The following TNS3 variants were observed in gnomAD, a reference collection of about 807,000 sequenced individuals.
The protein encoded by TNS3 is tensin 3, also known as tensin-3.
In TNS3, 45 loss-of-function variants were observed where a neutral mutation model predicts 140.9. The ratio of observed to expected loss-of-function variants is 0.32; its 90% CI spans 0.25 to 0.41. TNS3 has a LOEUF of 0.41. TNS3 is among the 10% of genes least tolerant of loss of function. TNS3 has a pLI of 1.00. For synonymous variants in TNS3, 815 were observed against 788.4 expected (o/e 1.03, Z -0.56); for missense variants, 1,716 against 1,906.7 (o/e 0.90, Z 1.86).
At chr7:47,521,829 G>A (rs575970711) in intron 2 of TNS3, among the ~76,000 whole-genome samples, 28 of 152,082 alleles carry the variant, frequency 1.8e-4, no homozygotes, top group South Asian at 4.1e-4. Context: ...GGTTCTTCCC[G>A]CTGGATGGTT....
At chr7:47,352,102 A>C (rs1789710320) in intron 17 of TNS3, among the ~76,000 whole-genome samples, 2 of 116,828 alleles carry the variant, frequency 1.7e-5, no homozygotes, top group African/African-American at 6.4e-5. Flanking sequence ...ACACCTGCAT[A>C]CTTCACACTC....
chr7:47,510,326 A>G (rs1419682981), intron 2 of TNS3, among the ~76,000 whole-genome samples: 1 of 152,242 alleles, frequency 6.6e-6, no homozygotes, highest in Non-Finnish European at 1.5e-5. Flanking sequence ...CAGGCCCAGA[A>G]GACAAAACGT....
At chr7:47,530,838 A>AAT (rs1554350245) in intron 1 of TNS3, among the ~76,000 whole-genome samples, 1,714 of 54,502 alleles carry the variant, frequency 0.031, 157 homozygotes, top group African/African-American at 0.12. Context: ...AAAAAAAAAA[A>AAT]ATATATATAT....
At position 47,368,616 on chromosome 7, in the gene TNS3, C is replaced by A. The variant is rs754669217; in HGVS notation, c.2030G>T (p.Gly677Val). The A allele has an allele frequency of 3.8e-6, 6 of 1,593,312 alleles. No homozygotes were observed. Among genetic ancestry groups the A allele is most frequent in the Non-Finnish European group, 5.1e-6 (6 of 1,169,924 alleles). Reference protein sequence around the residue: ...PRFPGDQVVNGAGPELSTGPS... With the variant: ...PRFPGDQVVNVAGPELSTGPS... ...GCCTGTGCTCAGCTCTGGGCCGGCT[C>A]CATTCACAACCTGGTCTCCTGGAAA... Residue 677 changes from glycine to valine, a missense_variant, in exon 17 of 31, where the codon GGA becomes GTA. By Grantham distance (109) the Gly-to-Val change is moderately radical (BLOSUM62 -3). Transcript: ENST00000311160.
intron 1 of TNS3, among the ~76,000 whole-genome samples, chr7:47,563,536 C>T (rs1240960715): frequency 6.6e-6 from 1 of 152,194 alleles, no homozygotes; most frequent in Non-Finnish European, 1.5e-5. Context: ...GACACCAATC[C>T]TATCCTGGGG....
At chr7:47,403,367 T>A (rs937873799) in intron 13 of TNS3, 1 of 152,250 alleles carries the variant, frequency 6.6e-6, no homozygotes, top group Admixed American at 6.5e-5. Flanking sequence ...AGGCCCCATA[T>A]GATTCTCCTG....
At chr7:47,418,668 A>C (rs1186643635) in intron 10 of TNS3, among the ~76,000 whole-genome samples, 4 of 152,376 alleles carry the variant, frequency 2.6e-5, no homozygotes, top group South Asian at 2.1e-4. Flanking sequence ...CAGTGAGTAC[A>C]TTTTAAAAAC....
intron 2 of TNS3, among the ~76,000 whole-genome samples, chr7:47,508,748 G>T (rs1798506088): frequency 6.6e-6 from 1 of 152,202 alleles, no homozygotes; most frequent in South Asian, 2.1e-4. Context: ...GACTTTTGTG[G>T]CTAAAAGACA....
chr7:47,402,022 A>G (rs547146275), intron 13 of TNS3, among the ~76,000 whole-genome samples: 2 of 152,216 alleles, frequency 1.3e-5, no homozygotes, highest in Non-Finnish European at 2.9e-5. Flanking sequence ...CACATGCCTC[A>G]CAACAGTAAA....
At chr7:47,295,236 C>A (rs143772234) in intron 24 of TNS3, among the ~76,000 whole-genome samples, 1 of 152,128 alleles carries the variant, frequency 6.6e-6, no homozygotes, top group Non-Finnish European at 1.5e-5. Flanking sequence ...GCAGGATGCA[C>A]GCACAGAGGT....
chr7:47,494,367 C>CTT (rs112543760), intron 3 of TNS3, among the ~76,000 whole-genome samples: 1 of 152,168 alleles, frequency 6.6e-6, no homozygotes, highest in African/African-American at 2.4e-5. Context: ...ATCGACTCCC[C>CTT]TCCAAATGCT....
chr7:47,353,349 G>A (rs1028127794), intron 17 of TNS3, among the ~76,000 whole-genome samples: 2 of 152,214 alleles, frequency 1.3e-5, no homozygotes, highest in Admixed American at 6.5e-5. Context: ...GAGCCCTGGC[G>A]CTGAGGCACT....
At chr7:47,562,999 C>T (rs909478412) in intron 1 of TNS3, among the ~76,000 whole-genome samples, 2 of 152,228 alleles carry the variant, frequency 1.3e-5, no homozygotes, top group African/African-American at 4.8e-5. Context: ...CCCCCAGCTC[C>T]GGGCCCAGCC....
At chr7:47,292,138 C>A in intron 26 of TNS3, 106 bp from the exon 27 acceptor site, 1 of 1,147,560 alleles carries the variant, frequency 8.7e-7, no homozygotes, top group Non-Finnish European at 1.3e-6. Context: ...TGGTGACATG[C>A]AATGGTTTTG....
At chr7:47,410,521 C>A (rs1305438889) in intron 13 of TNS3, among the ~76,000 whole-genome samples, 2 of 152,212 alleles carry the variant, frequency 1.3e-5, no homozygotes, top group African/African-American at 4.8e-5. Context: ...AGGGACCCCG[C>A]AGGCGTGGAT....
chr7:47,549,848 C>T (rs1800015284), intron 1 of TNS3, among the ~76,000 whole-genome samples: 1 of 152,226 alleles, frequency 6.6e-6, no homozygotes, highest in Non-Finnish European at 1.5e-5. Context: ...GGCCCTGGCA[C>T]ACAGACCACC....
At chr7:47,377,603 A>G (rs1791475712) in intron 16 of TNS3, among the ~76,000 whole-genome samples, 1 of 152,186 alleles carries the variant, frequency 6.6e-6, no homozygotes, top group Non-Finnish European at 1.5e-5. Flanking sequence ...CTCAGTTAAA[A>G]CAACCGTTGT....
At chr7:47,409,501 C>T (rs932331798) in intron 13 of TNS3, among the ~76,000 whole-genome samples, 1 of 152,118 alleles carries the variant, frequency 6.6e-6, no homozygotes, top group African/African-American at 2.4e-5. Flanking sequence ...CTTAAAGGGA[C>T]GGAGCCGTGG....
intron 2 of TNS3, among the ~76,000 whole-genome samples, chr7:47,524,543 C>T (rs1799107884): frequency 6.6e-6 from 1 of 151,932 alleles, no homozygotes; most frequent in South Asian, 2.1e-4. Context: ...TGGCTCACGC[C>T]TGTAATCCCA....
Sources: gnomAD v4.1 joint callset for allele counts (sites outside exome capture counted in the v4.1 genomes callset) on GRCh38, gnomAD v4.1.1 for gene constraint, MANE v1.5 for transcripts, NCBI Gene and HGNC (gene_info 2026-07-23, HGNC 2026-07-21) for gene names.